ITPR2: variants seen among roughly 807,000 people sequenced by gnomAD.
ITPR2 encodes the protein inositol 1,4,5-trisphosphate-gated calcium channel ITPR2.
In ITPR2, 207 loss-of-function variants were observed where a neutral mutation model predicts 317.1. That is an observed-to-expected ratio of 0.65 (90% CI 0.58 to 0.73). ITPR2 has a LOEUF of 0.73. Among genes scored for constraint, ITPR2 ranks in the 30% least tolerant of loss-of-function variants. ITPR2 has a pLI of 0.00. For missense variants in ITPR2, 2,613 were observed against 3,284.0 expected (o/e 0.80, Z 4.99); for synonymous variants, 1,156 against 1,149.1 (o/e 1.01, Z -0.12).
chr12:26,691,353 CA>C (rs200291033), intron 10 of ITPR2, among the ~76,000 whole-genome samples: 1,956 of 152,134 alleles, frequency 0.013, 20 homozygotes, highest in Non-Finnish European at 0.021. Flanking sequence ...ACTAGTTCCC[CA>C]CACCGAATCA....
At chr12:26,627,279 C>A (rs1417131892) in intron 23 of ITPR2, 1 of 152,214 alleles carries the variant, frequency 6.6e-6, no homozygotes, top group Admixed American at 6.5e-5. Flanking sequence ...ACATTTCGCA[C>A]TGCTCTTTGA....
At chr12:26,443,396 C>A in intron 46 of ITPR2, 147 bp downstream of exon 46, 1 of 530,444 alleles carries the variant, frequency 1.9e-6, no homozygotes, top group Non-Finnish European at 3.3e-6. Flanking sequence ...TAAATCACTC[C>A]TCACTCATCC....
At chr12:26,535,744 G>A (rs1944071582) in intron 37 of ITPR2, among the ~76,000 whole-genome samples, 1 of 152,130 alleles carries the variant, frequency 6.6e-6, no homozygotes, top group Non-Finnish European at 1.5e-5. Context: ...TTTCAAATTA[G>A]ACATTATATG....
chr12:26,480,563 C>T (rs1273077127), intron 43 of ITPR2, among the ~76,000 whole-genome samples: 6 of 152,058 alleles, frequency 3.9e-5, no homozygotes, highest in African/African-American at 7.2e-5. Flanking sequence ...AAAACAAAGC[C>T]GGGCACGATG....
intron 32 of ITPR2, among the ~76,000 whole-genome samples, chr12:26,582,472 T>TA: frequency 6.6e-6 from 1 of 152,226 alleles, no homozygotes; most frequent in Non-Finnish European, 1.5e-5. Context: ...TCTAAACACT[T>TA]ACTTTAAAAA....
At chr12:26,386,667 T>G (rs989383062) in intron 55 of ITPR2, among the ~76,000 whole-genome samples, 3 of 145,902 alleles carry the variant, frequency 2.1e-5, no homozygotes, top group African/African-American at 5.0e-5. Context: ...CAGATTTTTT[T>G]GGGGGGTGGG....
intron 1 of ITPR2, among the ~76,000 whole-genome samples, chr12:26,798,195 C>T (rs1423926729): frequency 2.0e-5 from 3 of 152,132 alleles, no homozygotes; most frequent in Admixed American, 1.3e-4. Context: ...TTCACCTGCA[C>T]TTAGAAGCAG....
At chr12:26,814,175 C>G (rs1185355373) in intron 1 of ITPR2, among the ~76,000 whole-genome samples, 2 of 152,160 alleles carry the variant, frequency 1.3e-5, no homozygotes, top group East Asian at 3.8e-4. Flanking sequence ...AGATAGCAGC[C>G]ATGCCATAAA....
At chr12:26,555,514 G>C (rs929029343) in intron 36 of ITPR2, among the ~76,000 whole-genome samples, 4 of 152,156 alleles carry the variant, frequency 2.6e-5, no homozygotes, top group Non-Finnish European at 5.9e-5. Context: ...CTTCTTTCTG[G>C]AACTAGTTAT....
At chr12:26,429,687 T>C (rs941697300) in intron 48 of ITPR2, among the ~76,000 whole-genome samples, 1 of 152,236 alleles carries the variant, frequency 6.6e-6, no homozygotes, top group Non-Finnish European at 1.5e-5. Flanking sequence ...CAAATAAAAA[T>C]TTGTTGATTG....
At chr12:26,494,109 A>G in intron 39 of ITPR2, 44 bp downstream of exon 39, 1 of 1,440,682 alleles carries the variant, frequency 6.9e-7, no homozygotes, top group Non-Finnish European at 9.5e-7. Context: ...GTAAACAAGA[A>G]ATACCAATAA....
chr12:26,421,003 G>C (rs561952330), intron 49 of ITPR2, among the ~76,000 whole-genome samples: 1 of 152,202 alleles, frequency 6.6e-6, no homozygotes, highest in Non-Finnish European at 1.5e-5. Context: ...TTGGAGTCGT[G>C]AGTTTTCAGA....
intron 39 of ITPR2, among the ~76,000 whole-genome samples, chr12:26,489,753 T>C (rs924198555): frequency 3.9e-5 from 6 of 152,180 alleles, no homozygotes; most frequent in African/African-American, 1.2e-4. Context: ...ATTGACTTAA[T>C]GTAGTTAGAA....
At chr12:26,364,265 T>C (rs1938934442) in intron 55 of ITPR2, among the ~76,000 whole-genome samples, 1 of 152,240 alleles carries the variant, frequency 6.6e-6, no homozygotes, top group Non-Finnish European at 1.5e-5. Context: ...GCAGACTATA[T>C]TATTTATCAA....
chr12:26,535,972 C>T (rs986374861), intron 37 of ITPR2, among the ~76,000 whole-genome samples: 3 of 152,190 alleles, frequency 2.0e-5, no homozygotes, highest in African/African-American at 7.2e-5. Context: ...CAGCAGATGT[C>T]TTGTCAAGAG....
rs118044319 is a variant in ITPR2 at position 26,652,137 on chromosome 12, G to A, written c.2740+1839C>T. On this transcript the variant is annotated intron_variant, in intron 21 of 56. Coordinates refer to ENST00000381340, the MANE Select transcript of ITPR2 (RefSeq NM_002223.4). ...ATTTCATTTCATTCCCTTTGCACAC[G>A]ATCCCTTTTCTCTTCCCCAGTTTCT... Among the ~76,000 whole-genome samples, 15 of 152,170 alleles carry A rather than the reference G, an allele frequency of 9.9e-5. No individual in the cohort carries two copies. The East Asian group carries it at 2.3e-3, about 24-fold the overall frequency.
At chr12:26,402,425 A>G (rs1034431561) in intron 52 of ITPR2, among the ~76,000 whole-genome samples, 1 of 152,214 alleles carries the variant, frequency 6.6e-6, no homozygotes, top group Non-Finnish European at 1.5e-5. Flanking sequence ...CTGATTAATC[A>G]GCACATAAAC....
chr12:26,551,739 C>T (rs915740608), intron 36 of ITPR2, among the ~76,000 whole-genome samples: 1 of 152,176 alleles, frequency 6.6e-6, no homozygotes, highest in African/African-American at 2.4e-5. Context: ...GAGAAGACAT[C>T]CCTGCAAAGG....
intron 26 of ITPR2, among the ~76,000 whole-genome samples, chr12:26,613,382 T>C (rs185938716): frequency 1.2e-4 from 18 of 152,266 alleles, no homozygotes; most frequent in Non-Finnish European, 2.2e-4. Flanking sequence ...ATCCCTCCTG[T>C]ATAAAATCTA....
Sources: allele counts gnomAD v4.1 joint callset (sites outside exome capture counted in the v4.1 genomes callset), GRCh38; gene constraint gnomAD v4.1.1; transcripts MANE v1.5; gene names NCBI Gene and HGNC (gene_info 2026-07-23, HGNC 2026-07-21).